SOX6: variants seen among roughly 807,000 people sequenced by gnomAD.
SOX6 encodes the protein SRY-box transcription factor 6.
A neutral mutation model predicts 97.8 loss-of-function variants in SOX6; 11 were observed. That is an observed-to-expected ratio of 0.11 (90% CI 0.07 to 0.19). The LOEUF (loss-of-function observed/expected upper bound fraction) is 0.19, where lower values mean the gene tolerates loss of function less well. SOX6 is among the 10% of genes least tolerant of loss of function. The pLI is 1.00. For synonymous variants in SOX6, 360 were observed against 371.4 expected (o/e 0.97, Z 0.35); for missense variants, 810 against 1,039.5 (o/e 0.78, Z 3.04).
intron 6 of SOX6, among the ~76,000 whole-genome samples, chr11:16,178,019 T>C (rs888803689): frequency 4.0e-5 from 6 of 151,882 alleles, no homozygotes; most frequent in Non-Finnish European, 8.8e-5. Flanking sequence ...AACTGAAGGA[T>C]AGCGCAGAAA....
rs115434907 is a variant in SOX6, at chr11:16,698,534, G to C, written n.429+16296C>G. ...TGTGTTCACATTGGCATAGCACTTT[G>C]AATTTCCTTCAGGAACTTGCCCTTT... On this transcript the variant is annotated intron_variant and non_coding_transcript_variant, in intron 3 of 5. Coordinates refer to the SOX6 transcript ENST00000524520. Among the ~76,000 whole-genome samples, 778 of 152,312 alleles carry C rather than the reference G, an allele frequency of 5.1e-3. 15 individuals carry two copies. Among genetic ancestry groups the C allele is most frequent in the African/African-American group, 0.018 (748 of 41,574 alleles).
chr11:16,708,628 A>G (rs930568495), intron 3 of SOX6, among the ~76,000 whole-genome samples: 5 of 152,200 alleles, frequency 3.3e-5, no homozygotes, highest in African/African-American at 1.2e-4. Context: ...AATTCCCTTT[A>G]TAATTAAGAA....
chr11:16,711,893 G>A (rs11024020), intron 3 of SOX6, among the ~76,000 whole-genome samples: 126,308 of 151,924 alleles, frequency 0.83, 52,587 homozygotes, highest in Middle Eastern at 0.91. Context: ...GCAAATCCCC[G>A]AAGTCCATCA....
At chr11:16,523,882 GAAGA>G (rs1861112485) in intron 4 of SOX6, among the ~76,000 whole-genome samples, 1 of 152,178 alleles carries the variant, frequency 6.6e-6, no homozygotes, top group Admixed American at 6.5e-5. Flanking sequence ...AGAAAATCTA[GAAGA>G]AATGGATAAA....
chr11:16,268,474 A>C (rs1364661958), intron 3 of SOX6, among the ~76,000 whole-genome samples: 1 of 151,240 alleles, frequency 6.6e-6, no homozygotes, highest in Non-Finnish European at 1.5e-5. Flanking sequence ...ATAATGGCAA[A>C]GTATATGATA....
intron 4 of SOX6, among the ~76,000 whole-genome samples, chr11:16,190,789 C>G (rs374495349): frequency 1.9e-4 from 29 of 152,018 alleles, no homozygotes; most frequent in African/African-American, 6.5e-4. Context: ...TGTGTGTGTG[C>G]GTGGCAGTGG....
At chr11:16,617,401 C>A (rs1848485339) in intron 3 of SOX6, among the ~76,000 whole-genome samples, 1 of 151,848 alleles carries the variant, frequency 6.6e-6, no homozygotes, top group Non-Finnish European at 1.5e-5. Context: ...CTTTTAATTG[C>A]ACACAATATG....
chr11:16,414,551 T>C (rs540392137), intron 1 of SOX6, among the ~76,000 whole-genome samples: 55 of 152,228 alleles, frequency 3.6e-4, no homozygotes, highest in Non-Finnish European at 6.9e-4. Context: ...TTATACTTAA[T>C]ACCCCTGCAA....
At chr11:16,737,970 T>C (rs543299016) in intron 1 of SOX6, among the ~76,000 whole-genome samples, 2 of 152,106 alleles carry the variant, frequency 1.3e-5, no homozygotes, top group Admixed American at 6.5e-5. Flanking sequence ...AGGCCCCTAC[T>C]GTAACGGTGC....
intron 3 of SOX6, among the ~76,000 whole-genome samples, chr11:16,615,244 A>G (rs573108540): frequency 1.4e-4 from 21 of 152,280 alleles, no homozygotes; most frequent in African/African-American, 4.6e-4. Context: ...TCCTCAAATC[A>G]TCTCATTTCT....
At chr11:16,505,361 C>A (rs1327696609) in intron 4 of SOX6, among the ~76,000 whole-genome samples, 1 of 152,162 alleles carries the variant, frequency 6.6e-6, no homozygotes, top group Non-Finnish European at 1.5e-5. Context: ...CTTAGGGTAT[C>A]TGGCAGAAGA....
chr11:16,204,968 A>G (rs867531279), intron 4 of SOX6, among the ~76,000 whole-genome samples: 4 of 152,142 alleles, frequency 2.6e-5, no homozygotes, highest in South Asian at 2.1e-4. Context: ...AAAAAAAATC[A>G]AGGGAAATAA....
chr11:16,206,944 C>A (rs1852087029), intron 4 of SOX6, among the ~76,000 whole-genome samples: 1 of 152,130 alleles, frequency 6.6e-6, no homozygotes, highest in Non-Finnish European at 1.5e-5. Flanking sequence ...TCCAGACTTT[C>A]CAACATGATA....
chr11:16,445,157 A>T (rs1859586836), intron 1 of SOX6, among the ~76,000 whole-genome samples: 1 of 152,244 alleles, frequency 6.6e-6, no homozygotes, highest in African/African-American at 2.4e-5. Context: ...CTAAAAATGC[A>T]TGGGCTTGCA....
At position 16,078,604 on chromosome 11, in the gene SOX6, C is replaced by T. The variant is rs1046895193; in HGVS notation, c.1101+17392G>A. ...ATCATTTTGGTTTTGGAAAAGCAGACGTGGGCAGTGACTTTGTGGGAGGAG... is the reference window on the plus strand; with the variant it reads ...ATCATTTTGGTTTTGGAAAAGCAGATGTGGGCAGTGACTTTGTGGGAGGAG... On this transcript the variant is annotated intron_variant, in intron 9 of 15. Coordinates refer to ENST00000683767, the MANE Select transcript of SOX6 (RefSeq NM_001367873.1). Among the ~76,000 whole-genome samples the T allele has an allele frequency of 4.0e-5, 6 of 151,878 alleles. No individual in the cohort carries two copies. In the East Asian group the frequency reaches 5.8e-4, roughly 15 times the overall value.
chr11:16,344,657 A>G (rs948996909), intron 1 of SOX6, among the ~76,000 whole-genome samples: 1 of 151,978 alleles, frequency 6.6e-6, no homozygotes, highest in African/African-American at 2.4e-5. Flanking sequence ...TTTCATCCCC[A>G]ACATATTAAA....
At chr11:16,107,403 A>C (rs1438299317) in intron 7 of SOX6, among the ~76,000 whole-genome samples, 3 of 147,224 alleles carry the variant, frequency 2.0e-5, no homozygotes, top group Non-Finnish European at 4.5e-5. Context: ...ATGTATATAT[A>C]TGTATATATA....
At chr11:16,262,540 A>G (rs972488753) in intron 3 of SOX6, among the ~76,000 whole-genome samples, 4 of 152,094 alleles carry the variant, frequency 2.6e-5, no homozygotes, top group Non-Finnish European at 4.4e-5. Context: ...GCCACAAACC[A>G]AAGTGTAATA....
At chr11:16,319,204 C>G (rs1855837240) in intron 2 of SOX6, among the ~76,000 whole-genome samples, 1 of 152,090 alleles carries the variant, frequency 6.6e-6, no homozygotes, top group African/African-American at 2.4e-5. Flanking sequence ...GAAAGTTAGC[C>G]AACATGAATA....
Sources: allele counts gnomAD v4.1 joint callset (sites outside exome capture counted in the v4.1 genomes callset), GRCh38; gene constraint gnomAD v4.1.1; transcripts MANE v1.5; gene names NCBI Gene and HGNC (gene_info 2026-07-23, HGNC 2026-07-21).